C11orf65: variants seen among roughly 807,000 people sequenced by gnomAD.
The protein encoded by C11orf65 is chromosome 11 open reading frame 65.
C11orf65 carries 38 observed loss-of-function variants against 35.3 expected under a neutral mutation model. The ratio of observed to expected loss-of-function variants is 1.08; its 90% CI spans 0.83 to 1.41. The LOEUF is 1.41. C11orf65 is among the 40% of genes most tolerant of loss of function. The pLI, the probability that C11orf65 is intolerant of heterozygous loss-of-function variation, is 0.00. For synonymous variants in C11orf65, 105 were observed against 114.4 expected, an observed-to-expected ratio of 0.92 and a Z score of 0.53; for missense variants, 370 against 367.1, an observed-to-expected ratio of 1.01 and a Z score of -0.06.
At chr11:108,375,820 G>A (rs980684122) in intron 2 of C11orf65, among the ~76,000 whole-genome samples, 8 of 151,906 alleles carry the variant, frequency 5.3e-5, no homozygotes, top group Non-Finnish European at 1.2e-4. Context: ...AACAAAAAAA[G>A]GCAGGGGTTG....
intron 2 of C11orf65, among the ~76,000 whole-genome samples, chr11:108,338,630 T>TG (rs2087121203): frequency 6.6e-6 from 1 of 151,766 alleles, no homozygotes; most frequent in Non-Finnish European, 1.5e-5. Flanking sequence ...CAGTCCAGTC[T>TG]GGACAACAGA....
intron 3 of C11orf65, chr11:108,332,126 T>A (rs2136535939): frequency 6.5e-7 from 1 of 1,526,788 alleles, no homozygotes; most frequent in Non-Finnish European, 8.9e-7. Context: ...GTTATTAAGA[T>A]GCCATCTAAA....
At chr11:108,427,677 G>A (rs1197740067) in intron 3 of C11orf65, among the ~76,000 whole-genome samples, 43 of 106,024 alleles carry the variant, frequency 4.1e-4, no homozygotes, top group Non-Finnish European at 7.2e-4. Flanking sequence ...AGTTGAGATC[G>A]CGCCACTGCA....
chr11:108,331,408 T>C (rs2136488482), downstream of C11orf65: 1 of 1,603,092 alleles, frequency 6.2e-7, no homozygotes, highest in South Asian at 1.1e-5. Flanking sequence ...TTGAAATACC[T>C]TGTTTCTTAA....
intron 6 of C11orf65, chr11:108,326,223 G>A: frequency 6.2e-7 from 1 of 1,614,050 alleles, no homozygotes; most frequent in Non-Finnish European, 8.5e-7. Context: ...CAGCTGTGCA[G>A]CGGTTTGTTT....
At chr11:108,337,487 ACAGATTTCTG>A (rs2086975553) in intron 2 of C11orf65, among the ~76,000 whole-genome samples, 2 of 152,230 alleles carry the variant, frequency 1.3e-5, no homozygotes, top group South Asian at 4.1e-4. Context: ...TGTTAAAAAC[ACAGATTTCTG>A]ATCCCCATTC....
In C11orf65 at chr11:108,325,493, C is replaced by T. The variant is rs1008212556; in HGVS notation, c.641-16422G>A. 1 of 1,613,144 alleles carries T rather than the reference C, an allele frequency of 6.2e-7. No homozygotes were observed. The highest frequency in any genetic ancestry group is 8.5e-7 in the Non-Finnish European group (1 of 1,179,784). On this transcript the variant is annotated intron_variant, in intron 6 of 6. Transcript: ENST00000525729. ...GAGAATGTATTAAGGACATTCTCAC[C>T]AAACACCTTGTAGAACTCTCTATAC... is the stretch of plus-strand genomic sequence containing the variant.
intron 2 of C11orf65, chr11:108,345,594 T>TC (rs35395522): frequency 1.5e-6 from 1 of 649,920 alleles, no homozygotes. Flanking sequence ...ATTAATTGCT[T>TC]CCCTGTCCAG....
chr11:108,458,090 A>G (rs1335430541), intron 2 of C11orf65, among the ~76,000 whole-genome samples: 2 of 152,178 alleles, frequency 1.3e-5, no homozygotes, highest in African/African-American at 4.8e-5. Flanking sequence ...TTCCTCCCAT[A>G]TATAACCCTC....
chr11:108,420,695 T>C (rs1414275358), intron 3 of C11orf65, among the ~76,000 whole-genome samples: 2 of 152,206 alleles, frequency 1.3e-5, no homozygotes, highest in Non-Finnish European at 2.9e-5. Context: ...GAGCTCTCAG[T>C]ATTGTCATGA....
At chr11:108,421,227 C>T (rs2092811166) in intron 3 of C11orf65, among the ~76,000 whole-genome samples, 1 of 152,122 alleles carries the variant, frequency 6.6e-6, no homozygotes, top group South Asian at 2.1e-4. Context: ...TGTCTGCTGT[C>T]TATTGCCTGA....
chr11:108,326,070 G>A lies in C11orf65; in HGVS notation c.641-16999C>T, dbSNP rs567060474. 1.4e-4 allele frequency: 223 copies of A among 1,613,998 alleles called. No homozygotes were observed. Among genetic ancestry groups the A allele is most frequent in the Non-Finnish European group, 1.8e-4 (215 of 1,179,974 alleles). On this transcript the variant is annotated intron_variant, in intron 6 of 6. Transcript: ENST00000525729. ...ATTTTCATTTCAGCTCCCTGAAAGG[G>A]CAATATTTCAAATTAAACAGTACAA... is the stretch of plus-strand genomic sequence containing the variant.
downstream of C11orf65, among the ~76,000 whole-genome samples, chr11:108,380,003 G>A (rs1338837903): frequency 6.6e-6 from 1 of 152,158 alleles, no homozygotes; most frequent in African/African-American, 2.4e-5. Context: ...CAGCAGATTT[G>A]AAAAGCACAA....
chr11:108,347,604 A>C (rs988393192), intron 2 of C11orf65, among the ~76,000 whole-genome samples: 3 of 152,274 alleles, frequency 2.0e-5, no homozygotes, highest in African/African-American at 4.8e-5. Context: ...AGAAAGAAAG[A>C]AAGCATAATT....
At chr11:108,373,926 G>C (rs2091642996) in intron 2 of C11orf65, among the ~76,000 whole-genome samples, 1 of 152,240 alleles carries the variant, frequency 6.6e-6, no homozygotes, top group South Asian at 2.1e-4. Context: ...CTGATTGCTA[G>C]CACAGCAGTC....
intron 2 of C11orf65, among the ~76,000 whole-genome samples, chr11:108,453,036 A>T (rs1348540174): frequency 6.6e-6 from 1 of 151,090 alleles, no homozygotes; most frequent in African/African-American, 2.4e-5. Context: ...GCATTAGGAG[A>T]TATACCTAAT....
chr11:108,309,312 T>C (rs1348558655), intron 6 of C11orf65, among the ~76,000 whole-genome samples: 1 of 152,234 alleles, frequency 6.6e-6, no homozygotes, highest in Non-Finnish European at 1.5e-5. Flanking sequence ...ATTTCACTTC[T>C]CTGAACTTAA....
chr11:108,370,520 C>T (rs544064050), intron 2 of C11orf65, among the ~76,000 whole-genome samples: 1 of 148,602 alleles, frequency 6.7e-6, no homozygotes, highest in East Asian at 1.9e-4. Flanking sequence ...TTAGCACAAT[C>T]ATCAGTAGAA....
At chr11:108,341,611 T>C (rs1482882517) in intron 2 of C11orf65, among the ~76,000 whole-genome samples, 2 of 152,084 alleles carry the variant, frequency 1.3e-5, no homozygotes, top group Non-Finnish European at 2.9e-5. Context: ...AATTTAAAAA[T>C]GTATAGAACT....
Sources: gnomAD v4.1 joint callset for allele counts (sites outside exome capture counted in the v4.1 genomes callset) on GRCh38, gnomAD v4.1.1 for gene constraint, MANE v1.5 for transcripts, NCBI Gene and HGNC (gene_info 2026-07-23, HGNC 2026-07-21) for gene names.